FOXN2: variants seen among roughly 807,000 people sequenced by gnomAD.
FOXN2 encodes forkhead box protein N2.
FOXN2 carries 19 observed loss-of-function variants against 41.2 expected under a neutral mutation model. The observed-to-expected ratio is 0.46, with a 90% CI of 0.32 to 0.68. FOXN2 has a LOEUF of 0.68. Among genes scored for constraint, FOXN2 ranks in the 30% least tolerant of loss-of-function variants. FOXN2 has a pLI of 0.03. For missense variants in FOXN2, 587 were observed against 509.4 expected (o/e 1.15, Z -1.47); for synonymous variants, 195 against 176.8 (o/e 1.10, Z -0.82).
chr2:48,339,234 C>G (rs1308380985), intron 2 of FOXN2, among the ~76,000 whole-genome samples: 2 of 152,102 alleles, frequency 1.3e-5, no homozygotes, highest in Non-Finnish European at 2.9e-5. Context: ...TTGATATGGT[C>G]TGGCTCTGAG....
chr2:48,319,846 C>G (rs917361783), intron 1 of FOXN2, among the ~76,000 whole-genome samples: 3 of 132,736 alleles, frequency 2.3e-5, no homozygotes, highest in African/African-American at 8.7e-5. Context: ...TGCCCAGGCT[C>G]GTCTCAAACT....
rs141809690 is a variant in FOXN2 at position 48,318,646 on chromosome 2, A to G, written c.-157+3832A>G. ...ACCTAATTTTGATTCATGTATTTGTAATTTCCCTCGACCTAATTTTCCTTT... is the reference window on the plus strand; with the variant it reads ...ACCTAATTTTGATTCATGTATTTGTGATTTCCCTCGACCTAATTTTCCTTT... On this transcript the variant is annotated intron_variant, in intron 1 of 6. Coordinates refer to ENST00000340553, the MANE Select transcript of FOXN2 (RefSeq NM_002158.4). 2.4e-4 allele frequency among the ~76,000 whole-genome samples: 36 copies of G among 152,346 alleles called. 1 individual carries two copies. In the East Asian group the frequency reaches 2.9e-3, roughly 12 times the overall value.
intron 5 of FOXN2, among the ~76,000 whole-genome samples, chr2:48,367,127 A>G (rs1227113258): frequency 1.3e-5 from 2 of 152,168 alleles, no homozygotes; most frequent in Non-Finnish European, 2.9e-5. Flanking sequence ...CTTTTATGTG[A>G]CAGTATCAAT....
At position 48,374,982 on chromosome 2, in the gene FOXN2, C is replaced by T; in HGVS notation, c.835C>T (p.His279Tyr). 1.2e-6 allele frequency: 2 copies of T among 1,613,870 alleles called. No individual in the cohort carries two copies. The highest frequency in any genetic ancestry group is 1.1e-5 in the South Asian group (1 of 91,060). Residue 279 changes from histidine to tyrosine, a missense_variant, in exon 7 of 7, where the codon CAT (histidine) becomes TAT (tyrosine). Coordinates refer to ENST00000340553, the MANE Select transcript of FOXN2 (RefSeq NM_002158.4). The part of the protein sequence containing the change: ...QKKRSYGNAF[H>Y]HPSAVRLQES... ...AAAGAGGAGTTACGGCAATGCATTT[C>T]ATCATCCCAGTGCTGTACGATTACA...
intron 1 of FOXN2, among the ~76,000 whole-genome samples, chr2:48,318,782 T>C (rs1359865325): frequency 6.6e-6 from 1 of 152,242 alleles, no homozygotes; most frequent in Non-Finnish European, 1.5e-5. Flanking sequence ...GTCTGCCTGA[T>C]TTAAGTATCA....
intron 3 of FOXN2, among the ~76,000 whole-genome samples, chr2:48,351,299 A>G (rs1293776667): frequency 6.6e-6 from 1 of 152,106 alleles, no homozygotes; most frequent in Non-Finnish European, 1.5e-5. Context: ...GTTTTGTGAG[A>G]CAGAGTCTCC....
intron 3 of FOXN2, among the ~76,000 whole-genome samples, chr2:48,353,598 GT>G (rs1671597936): frequency 7.4e-6 from 1 of 135,482 alleles, no homozygotes; most frequent in African/African-American, 2.7e-5. Flanking sequence ...GTGTGTGTGT[GT>G]GTGTGTGAAA....
chr2:48,353,033 G>A (rs1671553394), intron 3 of FOXN2, among the ~76,000 whole-genome samples: 1 of 152,136 alleles, frequency 6.6e-6, no homozygotes, highest in African/African-American at 2.4e-5. Flanking sequence ...CAGCATGAAG[G>A]ATTGGATTCA....
intron 1 of FOXN2, among the ~76,000 whole-genome samples, chr2:48,322,116 T>C (rs1388738489): frequency 6.6e-6 from 1 of 152,098 alleles, no homozygotes; most frequent in Non-Finnish European, 1.5e-5. Flanking sequence ...TAGCTAATTT[T>C]TTTGTATTTT....
chr2:48,322,721 G>GAT (rs562547006), intron 1 of FOXN2, among the ~76,000 whole-genome samples: 175 of 147,150 alleles, frequency 1.2e-3, no homozygotes, highest in Non-Finnish European at 2.0e-3. Flanking sequence ...TGATATATTT[G>GAT]ATATATATAT....
chr2:48,317,772 T>G (rs1669027657), intron 1 of FOXN2, among the ~76,000 whole-genome samples: 1 of 151,444 alleles, frequency 6.6e-6, no homozygotes, highest in South Asian at 2.1e-4. Flanking sequence ...CAAGCCTGGC[T>G]TATTTTTGTA....
At chr2:48,330,192 A>G (rs1228598689) in intron 2 of FOXN2, among the ~76,000 whole-genome samples, 17 of 152,162 alleles carry the variant, frequency 1.1e-4, no homozygotes, top group Admixed American at 9.2e-4. Context: ...CTTTTGAATA[A>G]ATCTGGAAAA....
chr2:48,335,456 C>T (rs1291458704), intron 2 of FOXN2, among the ~76,000 whole-genome samples: 1 of 151,042 alleles, frequency 6.6e-6, no homozygotes, highest in Non-Finnish European at 1.5e-5. Flanking sequence ...AGACAGATTA[C>T]CTCCAAAGGA....
At chr2:48,354,927 T>C (rs1671692623) in intron 3 of FOXN2, among the ~76,000 whole-genome samples, 1 of 152,286 alleles carries the variant, frequency 6.6e-6, no homozygotes, top group East Asian at 1.9e-4. Flanking sequence ...ATTTTAAATA[T>C]TTGAGGACAT....
chr2:48,360,691 A>T (rs889778405), intron 4 of FOXN2, among the ~76,000 whole-genome samples: 1 of 152,078 alleles, frequency 6.6e-6, no homozygotes, highest in South Asian at 2.1e-4. Flanking sequence ...TATCTTTATT[A>T]ATTAATTTTG....
At chr2:48,342,551 T>C (rs1670846031) in intron 2 of FOXN2, among the ~76,000 whole-genome samples, 1 of 152,030 alleles carries the variant, frequency 6.6e-6, no homozygotes, top group African/African-American at 2.4e-5. Flanking sequence ...GTTTATTTTA[T>C]ATTTTTTAAA....
chr2:48,339,455 T>C (rs1346457648), intron 2 of FOXN2, among the ~76,000 whole-genome samples: 1 of 152,140 alleles, frequency 6.6e-6, no homozygotes, highest in East Asian at 1.9e-4. Context: ...AAGAAGGACA[T>C]TTTTGCTTCC....
upstream of FOXN2, among the ~76,000 whole-genome samples, chr2:48,314,436 C>G (rs898935523): frequency 2.6e-5 from 4 of 152,256 alleles, no homozygotes; most frequent in African/African-American, 9.6e-5. Context: ...CTTCCGGACC[C>G]TGCATTTCAC....
intron 6 of FOXN2, among the ~76,000 whole-genome samples, chr2:48,374,311 T>C (rs1190169005): frequency 6.6e-6 from 1 of 152,136 alleles, no homozygotes; most frequent in Non-Finnish European, 1.5e-5. Flanking sequence ...GTAACTTCGC[T>C]AGAAATTCGG....
Sources: allele counts gnomAD v4.1 joint callset (sites outside exome capture counted in the v4.1 genomes callset), GRCh38; gene constraint gnomAD v4.1.1; transcripts MANE v1.5; gene names NCBI Gene and HGNC (gene_info 2026-07-23, HGNC 2026-07-21).